PLCH1: variants seen among roughly 807,000 people sequenced by gnomAD.
The protein encoded by PLCH1 is phospholipase C eta 1, also known as 1-phosphatidylinositol 4,5-bisphosphate phosphodiesterase eta-1.
In PLCH1, 60 loss-of-function variants were observed where a neutral mutation model predicts 126.7. The observed-to-expected ratio is 0.47, with a 90% CI of 0.38 to 0.59. The LOEUF (loss-of-function observed/expected upper bound fraction) is 0.59. Among genes scored for constraint, PLCH1 ranks in the 20% least tolerant of loss-of-function variants. The pLI is 0.00. For synonymous variants in PLCH1, 719 were observed against 734.9 expected, an observed-to-expected ratio of 0.98 and a Z score of 0.35; for missense variants, 1,723 against 2,040.0, an observed-to-expected ratio of 0.84 and a Z score of 2.99.
chr3:155,648,664 G>A (rs1281931720), intron 2 of PLCH1, among the ~76,000 whole-genome samples: 1 of 152,220 alleles, frequency 6.6e-6, no homozygotes, highest in South Asian at 2.1e-4. Context: ...TCTTCATTAA[G>A]CAGGGGTGAT....
intron 21 of PLCH1, among the ~76,000 whole-genome samples, chr3:155,451,310 G>A (rs1446892584): frequency 2.0e-5 from 3 of 152,088 alleles, no homozygotes; most frequent in South Asian, 2.1e-4. Flanking sequence ...ATCTTGCCAC[G>A]AGAAATTTAC....
At chr3:155,676,221 G>T in intron 2 of PLCH1, 3 of 1,255,800 alleles carry the variant, frequency 2.4e-6, no homozygotes, top group Non-Finnish European at 3.0e-6. Context: ...CACAATTCAG[G>T]CTTTATAGTG....
intron 10 of PLCH1, among the ~76,000 whole-genome samples, chr3:155,545,536 T>C (rs1725128315): frequency 6.6e-6 from 1 of 151,816 alleles, no homozygotes; most frequent in South Asian, 2.1e-4. Flanking sequence ...TAACTCATTT[T>C]ATGAGGCCAG....
At chr3:155,542,380 TG>T (rs532993728) in intron 10 of PLCH1, among the ~76,000 whole-genome samples, 3,084 of 152,228 alleles carry the variant, frequency 0.02, 107 homozygotes, top group African/African-American at 0.071. Flanking sequence ...CAAAGCAGCC[TG>T]GAAGCTCGAA....
intron 10 of PLCH1, among the ~76,000 whole-genome samples, chr3:155,542,748 A>G (rs565814834): frequency 7.5e-4 from 115 of 152,340 alleles, no homozygotes; most frequent in African/African-American, 2.2e-3. Context: ...GCTGTTCTGC[A>G]GCCACTGCTG....
At chr3:155,633,817 G>T (rs1738384841) in intron 2 of PLCH1, among the ~76,000 whole-genome samples, 1 of 152,128 alleles carries the variant, frequency 6.6e-6, no homozygotes, top group African/African-American at 2.4e-5. Flanking sequence ...CTACTCAGGA[G>T]GCTGAGGCAC....
chr3:155,483,326 C>A, intron 22 of PLCH1: 1 of 1,495,558 alleles, frequency 6.7e-7, no homozygotes, highest in South Asian at 1.2e-5. Flanking sequence ...AATGAGTTAC[C>A]ATACTTTTAC....
chr3:155,571,015 C>A (rs180933101), intron 6 of PLCH1, among the ~76,000 whole-genome samples: 83 of 152,216 alleles, frequency 5.5e-4, no homozygotes, highest in African/African-American at 1.9e-3. Context: ...CATTAAAGGA[C>A]AACTAATTTC....
intron 2 of PLCH1, among the ~76,000 whole-genome samples, chr3:155,612,522 A>C (rs1735238758): frequency 8.1e-6 from 1 of 123,704 alleles, no homozygotes; most frequent in Non-Finnish European, 1.6e-5. Flanking sequence ...TGAAACTAAA[A>C]CTAACAAACA....
chr3:155,618,352 C>T (rs1736040646), intron 2 of PLCH1, among the ~76,000 whole-genome samples: 1 of 152,106 alleles, frequency 6.6e-6, no homozygotes, highest in Non-Finnish European at 1.5e-5. Flanking sequence ...AGAATTGCTA[C>T]TACCTCTTTC....
At chr3:155,620,705 C>T (rs1406495625) in intron 2 of PLCH1, among the ~76,000 whole-genome samples, 4 of 152,204 alleles carry the variant, frequency 2.6e-5, no homozygotes, top group Non-Finnish European at 5.9e-5. Context: ...CAGACTGCCT[C>T]TCCAGATTCC....
chr3:155,540,933 G>T (rs1724143795), intron 10 of PLCH1, among the ~76,000 whole-genome samples: 1 of 152,118 alleles, frequency 6.6e-6, no homozygotes, highest in African/African-American at 2.4e-5. Context: ...AAAGACACTT[G>T]TACACATATT....
chr3:155,607,994 GA>G (rs1734569395), intron 2 of PLCH1, among the ~76,000 whole-genome samples: 1 of 152,162 alleles, frequency 6.6e-6, no homozygotes, highest in Non-Finnish European at 1.5e-5. Context: ...CAAAGTATAA[GA>G]GGAGAAAACC....
chr3:155,648,630 T>C (rs1740327786), intron 2 of PLCH1, among the ~76,000 whole-genome samples: 1 of 152,234 alleles, frequency 6.6e-6, no homozygotes, highest in South Asian at 2.1e-4. Context: ...AATACAATAA[T>C]GAGTGTGACA....
intron 10 of PLCH1, among the ~76,000 whole-genome samples, chr3:155,531,687 T>C (rs1722701802): frequency 6.6e-6 from 1 of 152,218 alleles, no homozygotes; most frequent in South Asian, 2.1e-4. Context: ...TAGCTAAACC[T>C]TCTAGATCCC....
intron 5 of PLCH1, 127 bp from the exon 6 acceptor site, chr3:155,583,769 G>A (rs888465909): frequency 8.5e-6 from 5 of 591,426 alleles, no homozygotes; most frequent in Non-Finnish European, 1.1e-5. Context: ...CATTCTCTTC[G>A]AGCACACATT....
intron 4 of PLCH1, 61 bp downstream of exon 4, chr3:155,593,880 A>G: frequency 6.5e-7 from 1 of 1,527,636 alleles, no homozygotes; most frequent in South Asian, 1.2e-5. Context: ...TACTTCACAA[A>G]TGCACACACG....
At chr3:155,644,319 G>A (rs146900989) in intron 2 of PLCH1, among the ~76,000 whole-genome samples, 1 of 152,282 alleles carries the variant, frequency 6.6e-6, no homozygotes, top group African/African-American at 2.4e-5. Flanking sequence ...ACTGATTCCA[G>A]AGGCCGAGTG....
At chr3:155,631,516 T>A (rs185154025) in intron 2 of PLCH1, among the ~76,000 whole-genome samples, 1 of 152,344 alleles carries the variant, frequency 6.6e-6, no homozygotes, top group East Asian at 1.9e-4. Flanking sequence ...TGTATCGAAC[T>A]GTTATCCTGT....
Sources: gnomAD v4.1 joint callset for allele counts (sites outside exome capture counted in the v4.1 genomes callset) on GRCh38, gnomAD v4.1.1 for gene constraint, MANE v1.5 for transcripts, NCBI Gene and HGNC (gene_info 2026-07-23, HGNC 2026-07-21) for gene names.